Variants in RYR2 observed in about 807,000 individuals in gnomAD.
RYR2 encodes cardiac muscle ryanodine receptor-calcium release channel.
A neutral mutation model predicts 601.1 loss-of-function variants in RYR2; 227 were observed. That is an observed-to-expected ratio of 0.38 (90% CI 0.34 to 0.42). RYR2 has a LOEUF of 0.42. Among genes scored for constraint, RYR2 ranks in the 10% least tolerant of loss-of-function variants. The pLI, the probability that RYR2 is intolerant of heterozygous loss-of-function variation, is 1.00. For synonymous variants in RYR2, 2,223 were observed against 2,175.1 expected (o/e 1.02, Z -0.61); for missense variants, 4,646 against 6,156.5 (o/e 0.75, Z 8.21).
rs564582609 is a variant in RYR2 at position 237,464,351 on chromosome 1, C to T, written c.1613-4741C>T. Among the ~76,000 whole-genome samples the T allele has an allele frequency of 6.6e-5, 10 of 151,940 alleles. No homozygotes were observed. In the South Asian group the frequency reaches 2.1e-3, roughly 32 times the overall value. ...AGAACATCTCTTCACATCCTAACTT[C>T]ACATCCTAACTTCCATTCTCTTCAC... On this transcript the variant is annotated intron_variant, in intron 16 of 104. Coordinates refer to ENST00000366574, the MANE Select transcript of RYR2 (RefSeq NM_001035.3).
At chr1:237,521,168 G>A (rs35077109) in intron 24 of RYR2, among the ~76,000 whole-genome samples, 74,494 of 151,668 alleles carry the variant, frequency 0.49, 18,554 homozygotes, top group East Asian at 0.58. Context: ...GTTTCAAAAA[G>A]TCAAGGAGCA....
At chr1:237,703,358 T>C (rs113369796) in intron 66 of RYR2, among the ~76,000 whole-genome samples, 38 of 151,880 alleles carry the variant, frequency 2.5e-4, no homozygotes, top group African/African-American at 8.9e-4. Flanking sequence ...AAATGCACTT[T>C]CCTGATTACC....
At chr1:237,601,353 G>GCC (rs1676480276) in intron 34 of RYR2, among the ~76,000 whole-genome samples, 1 of 152,110 alleles carries the variant, frequency 6.6e-6, no homozygotes, top group Non-Finnish European at 1.5e-5. Context: ...ATACTGCATT[G>GCC]CCCACTCATA....
At position 237,655,872 on chromosome 1, in the gene RYR2, G is replaced by T; in HGVS notation, c.8017G>T (p.Ala2673Ser). Reference sequence around the variant, plus strand: ...GGCACTGCCTTGCCTGAGTGCAGTTGCGGGAGCTTTGCCTCCAGACTACAT... The same window carrying T: ...GGCACTGCCTTGCCTGAGTGCAGTTTCGGGAGCTTTGCCTCCAGACTACAT... ...KLALPCLSAV[A>S]GALPPDYMES... The change falls in exon 53 of 105, where the codon GCG becomes TCG. Residue 2673 changes from alanine to serine, a missense_variant. Transcript: ENST00000366574. The T allele has an allele frequency of 1.2e-6, 2 of 1,609,202 alleles. No individual in the cohort carries two copies. Among genetic ancestry groups the T allele is most frequent in the Non-Finnish European group, 1.7e-6 (2 of 1,177,550 alleles).
chr1:237,762,533 T>C (rs934572804), intron 84 of RYR2, among the ~76,000 whole-genome samples: 2 of 152,234 alleles, frequency 1.3e-5, no homozygotes, highest in African/African-American at 4.8e-5. Context: ...CCATAGTCAT[T>C]CTTAGTCGCT....
intron 14 of RYR2, among the ~76,000 whole-genome samples, chr1:237,450,452 A>G (rs1268331609): frequency 6.6e-6 from 1 of 151,782 alleles, no homozygotes; most frequent in African/African-American, 2.4e-5. Context: ...TCCATTCCTC[A>G]GGAATTCCTG....
intron 1 of RYR2, among the ~76,000 whole-genome samples, chr1:237,185,475 C>T (rs1401775948): frequency 6.6e-6 from 1 of 152,118 alleles, no homozygotes; most frequent in Non-Finnish European, 1.5e-5. Flanking sequence ...CTTTGCCTCT[C>T]ACATTCTCTA....
chr1:237,397,368 A>G (rs1702948765), intron 10 of RYR2, among the ~76,000 whole-genome samples: 1 of 152,204 alleles, frequency 6.6e-6, no homozygotes, highest in African/African-American at 2.4e-5. Flanking sequence ...ACACAAACTC[A>G]AGAAGCCTTG....
chr1:237,173,983 G>C (rs1025030147), intron 1 of RYR2, among the ~76,000 whole-genome samples: 2 of 152,112 alleles, frequency 1.3e-5, no homozygotes, highest in South Asian at 4.1e-4. Flanking sequence ...CATGAACCTG[G>C]GAGGCAGGGC....
At chr1:237,820,497 T>C (rs1001832011) in intron 101 of RYR2, among the ~76,000 whole-genome samples, 2 of 152,166 alleles carry the variant, frequency 1.3e-5, no homozygotes, top group Admixed American at 6.5e-5. Flanking sequence ...CCAGCCCAGA[T>C]ACCATGCTTT....
intron 35 of RYR2, among the ~76,000 whole-genome samples, chr1:237,605,772 A>G (rs1256095675): frequency 6.6e-6 from 1 of 152,082 alleles, no homozygotes; most frequent in East Asian, 1.9e-4. Flanking sequence ...ATACACCAAC[A>G]ACAGACAAAC....
rs1666170208 is a variant in RYR2, at chr1:237,513,997, A to G, written c.2822+2206A>G. Among the ~76,000 whole-genome samples the G allele has an allele frequency of 2.6e-5, 4 of 152,224 alleles. No homozygotes were observed. The South Asian group carries it at 8.3e-4, about 31-fold the overall frequency. On this transcript the variant is annotated intron_variant, in intron 24 of 104. Coordinates refer to ENST00000366574, the MANE Select transcript of RYR2 (RefSeq NM_001035.3). ...TATATACACATCAAGTAAATTGAGA[A>G]CCTAAAGGTTAAAAATGACAAGGTT...
intron 1 of RYR2, among the ~76,000 whole-genome samples, chr1:237,199,653 C>T (rs1680960517): frequency 6.6e-6 from 1 of 152,124 alleles, no homozygotes; most frequent in Admixed American, 6.5e-5. Context: ...CCAGGAGCAA[C>T]AATACTTTGC....
intron 1 of RYR2, among the ~76,000 whole-genome samples, chr1:237,056,684 G>C (rs543299727): frequency 6.6e-4 from 86 of 129,418 alleles, no homozygotes; most frequent in African/African-American, 2.4e-3. Context: ...GTGAGGACTG[G>C]AGCACTGCAC....
intron 25 of RYR2, among the ~76,000 whole-genome samples, chr1:237,530,919 A>AG (rs2147943767): frequency 1.3e-5 from 2 of 152,080 alleles, no homozygotes; most frequent in African/African-American, 4.8e-5. Context: ...CAAAAAAAAA[A>AG]AAATTCAGAT....
chr1:237,414,474 A>T (rs1241006011), intron 10 of RYR2, among the ~76,000 whole-genome samples: 1 of 152,174 alleles, frequency 6.6e-6, no homozygotes, highest in South Asian at 2.1e-4. Flanking sequence ...ATCTCTTTTT[A>T]AAAAATTATT....
chr1:237,048,957 G>A (rs547341362), intron 1 of RYR2, among the ~76,000 whole-genome samples: 3 of 152,346 alleles, frequency 2.0e-5, no homozygotes, highest in East Asian at 3.9e-4. Flanking sequence ...AAGATAGTGG[G>A]GGTGGAAGAA....
rs529920306 is a variant in RYR2, at chr1:237,332,491, TAA to T, written c.273+1510_273+1511del. On this transcript the variant is annotated intron_variant, in intron 3 of 104. Coordinates refer to ENST00000366574, the MANE Select transcript of RYR2 (RefSeq NM_001035.3). Reference sequence around the variant, plus strand: ...TCATGTAAACCTTCTCAGTTATGCTTAAGTTATGAAAGAGTAAAACAATTCTC... The same window carrying T: ...TCATGTAAACCTTCTCAGTTATGCTTGTTATGAAAGAGTAAAACAATTCTC... Among the ~76,000 whole-genome samples the T allele has an allele frequency of 8.2e-4, 125 of 152,272 alleles. 1 individual carries two copies. Among genetic ancestry groups the T allele is most frequent in the African/African-American group, 2.2e-3 (93 of 41,574 alleles).
At chr1:237,144,759 C>T (rs1365128105) in intron 1 of RYR2, among the ~76,000 whole-genome samples, 1 of 152,116 alleles carries the variant, frequency 6.6e-6, no homozygotes, top group Non-Finnish European at 1.5e-5. Flanking sequence ...TGCTATTTTC[C>T]TCAGAGCTTT....
Sources: gnomAD v4.1 joint callset for allele counts (sites outside exome capture counted in the v4.1 genomes callset) on GRCh38, gnomAD v4.1.1 for gene constraint, MANE v1.5 for transcripts, NCBI Gene and HGNC (gene_info 2026-07-23, HGNC 2026-07-21) for gene names.